The following CDKN2B-AS1 variants were observed in gnomAD, a reference collection of about 807,000 sequenced individuals.
CDKN2B-AS1 encodes the protein CDKN2B antisense RNA 1 (non-protein coding).
At chr9:22,087,254 T>G (rs141085091) in intron 4 of CDKN2B-AS1, among the ~76,000 whole-genome samples, 1 of 152,336 alleles carries the variant, frequency 6.6e-6, no homozygotes, top group Non-Finnish European at 1.5e-5. Context: ...GGTTTATACT[T>G]TCTTGACTCT....
intron 1 of CDKN2B-AS1, among the ~76,000 whole-genome samples, chr9:22,028,212 A>G (rs193009351): frequency 7.4e-6 from 1 of 135,602 alleles, no homozygotes; most frequent in East Asian, 2.0e-4. Flanking sequence ...TACATATAAA[A>G]CATATAAAAA....
chr9:22,043,692 T>C (rs533020589), intron 1 of CDKN2B-AS1, among the ~76,000 whole-genome samples: 1 of 152,186 alleles, frequency 6.6e-6, no homozygotes, highest in Non-Finnish European at 1.5e-5. Flanking sequence ...CCACCTATAC[T>C]ATTATGCTTC....
Position 21,996,260 on chromosome 9 carries a change from A to G in CDKN2B-AS1, n.29+1099A>G, listed in dbSNP as rs760812984. 1.8e-4 allele frequency among the ~76,000 whole-genome samples: 27 copies of G among 152,280 alleles called. No homozygotes were observed. Among genetic ancestry groups the G allele is most frequent in the South Asian group, 8.3e-4 (4 of 4,820 alleles). ...CAAGACAAAACGGGGCCCTTTGGAAAAAGTGAGATTTAGCGATCACTCTTA... is the reference window on the plus strand; with the variant it reads ...CAAGACAAAACGGGGCCCTTTGGAAGAAGTGAGATTTAGCGATCACTCTTA... On this transcript the variant is annotated intron_variant and non_coding_transcript_variant, in intron 1 of 4. Transcript: ENST00000650946. This position sits in a 1 kb window ranked among gnomAD's most constrained non-coding sequence, Gnocchi z 5.4.
chr9:22,116,263 G>A (rs1030430220), intron 4 of CDKN2B-AS1, among the ~76,000 whole-genome samples: 42 of 152,088 alleles, frequency 2.8e-4, no homozygotes, highest in African/African-American at 9.2e-4. Context: ...TATATCAAAC[G>A]GATATAAGTT....
intron 4 of CDKN2B-AS1, among the ~76,000 whole-genome samples, chr9:22,110,737 A>G (rs369025862): frequency 1.3e-5 from 2 of 152,036 alleles, no homozygotes; most frequent in African/African-American, 4.8e-5. Flanking sequence ...AAAAAATACC[A>G]TTTTACCTGT....
chr9:22,080,717 A>G (rs1200312494), intron 4 of CDKN2B-AS1, among the ~76,000 whole-genome samples: 1 of 152,228 alleles, frequency 6.6e-6, no homozygotes, highest in Non-Finnish European at 1.5e-5. Context: ...TTTGTAAGGT[A>G]GTGGAGAAAA....
At chr9:22,063,424 A>G (rs996990750) in intron 4 of CDKN2B-AS1, among the ~76,000 whole-genome samples, 4 of 152,220 alleles carry the variant, frequency 2.6e-5, no homozygotes, top group Non-Finnish European at 5.9e-5. Context: ...ATAGAAATAT[A>G]GAGGTTTAAA....
intron 1 of CDKN2B-AS1, among the ~76,000 whole-genome samples, chr9:22,035,127 T>C (rs1822635806): frequency 6.6e-6 from 1 of 152,174 alleles, no homozygotes; most frequent in African/African-American, 2.4e-5. Context: ...TTCTTATCAT[T>C]ACTGTATTAT....
chr9:22,071,285 C>CTTTTTTTTTTT lies in CDKN2B-AS1; in HGVS notation n.438+14919_438+14929dup, dbSNP rs71336509. Among the ~76,000 whole-genome samples the CTTTTTTTTTTT allele has an allele frequency of 2.2e-4, 15 of 67,572 alleles. 2 individuals are homozygous for CTTTTTTTTTTT. The highest frequency in any genetic ancestry group is 9.9e-4 in the African/African-American group (14 of 14,200). The allele number at this position is 67,572 out of a possible 152,430, so 44.3% of individuals were successfully genotyped here. A position where few individuals can be genotyped will look rare whatever the true frequency, so the allele number is the denominator to read the frequency against. ...AGAGGCCAGGCTTAGAAATATCTAG[C>CTTTTTTTTTTT]TTTTTTTTTTTTTTTTTTTTTTTTT... On this transcript the variant is annotated intron_variant and non_coding_transcript_variant, in intron 4 of 4. Transcript: ENST00000650946.
At chr9:22,045,659 C>A (rs1013729765) in intron 1 of CDKN2B-AS1, among the ~76,000 whole-genome samples, 1 of 151,998 alleles carries the variant, frequency 6.6e-6, no homozygotes, top group African/African-American at 2.4e-5. Context: ...ATAGGCTGCT[C>A]ATGCTTTTTG....
intron 4 of CDKN2B-AS1, among the ~76,000 whole-genome samples, chr9:22,080,169 C>T (rs953213598): frequency 6.6e-6 from 1 of 152,194 alleles, no homozygotes; most frequent in Non-Finnish European, 1.5e-5. Context: ...TCTGTGCAGT[C>T]AGATGTAGCC....
At chr9:22,068,727 G>GT (rs1289365763) in intron 4 of CDKN2B-AS1, among the ~76,000 whole-genome samples, 2 of 152,152 alleles carry the variant, frequency 1.3e-5, no homozygotes, top group Non-Finnish European at 2.9e-5. Flanking sequence ...CTATTTGTTT[G>GT]TTTTTCCCAA....
intron 4 of CDKN2B-AS1, among the ~76,000 whole-genome samples, chr9:22,085,859 C>T (rs1369540931): frequency 6.6e-6 from 1 of 151,654 alleles, no homozygotes. Flanking sequence ...CTATTTGTTG[C>T]CTGGATTAGG....
intron 1 of CDKN2B-AS1, among the ~76,000 whole-genome samples, chr9:21,998,125 G>A (rs1452712835): frequency 6.6e-6 from 1 of 152,186 alleles, no homozygotes; most frequent in Admixed American, 6.5e-5. Context: ...CACTGCCGCT[G>A]CCCAATACCT....
At position 22,005,860 on chromosome 9, in the gene CDKN2B-AS1, C is replaced by T. The variant is rs1194735482; in HGVS notation, n.29+10699C>T. 1.1e-5 allele frequency: 14 copies of T among 1,317,828 alleles called. No homozygotes were observed. The highest frequency in any genetic ancestry group is 1.5e-5 in the Non-Finnish European group (14 of 952,148). The allele number at this position is 1,317,828 out of a possible 1,614,324, so 81.6% of individuals were successfully genotyped here. On this transcript the variant is annotated intron_variant and non_coding_transcript_variant, in intron 1 of 4. Coordinates refer to ENST00000650946, the Ensembl canonical transcript of CDKN2B-AS1. The surrounding 1 kb of genome is among the most constrained non-coding windows in gnomAD (Gnocchi z 4.9). Reference sequence around the variant, plus strand: ...GTCGGCTCCTCCTTCCTGTGAGTCTCAGACAGGCTTGCAGGCTTACAGGCT... The same window carrying T: ...GTCGGCTCCTCCTTCCTGTGAGTCTTAGACAGGCTTGCAGGCTTACAGGCT...
chr9:22,013,138 C>T (rs1417307563), intron 1 of CDKN2B-AS1, among the ~76,000 whole-genome samples: 1 of 152,172 alleles, frequency 6.6e-6, no homozygotes, highest in Non-Finnish European at 1.5e-5. Context: ...CAAATTTCCT[C>T]CTCTTTTGAG....
intron 1 of CDKN2B-AS1, chr9:22,009,478 G>C (rs987681560): frequency 1.2e-5 from 3 of 254,666 alleles, no homozygotes; most frequent in Non-Finnish European, 2.3e-5. Flanking sequence ...ATGCGCCAGA[G>C]ACTGGGCCAG....
intron 1 of CDKN2B-AS1, chr9:22,030,302 A>T (rs747526669): frequency 2.6e-5 from 4 of 152,206 alleles, no homozygotes; most frequent in Non-Finnish European, 5.9e-5. Context: ...TGTAGCCAAT[A>T]CCAGGAACCT....
chr9:22,115,455 C>T (rs1825923241), intron 4 of CDKN2B-AS1, among the ~76,000 whole-genome samples: 1 of 152,130 alleles, frequency 6.6e-6, no homozygotes, highest in African/African-American at 2.4e-5. Context: ...TTTTACATCA[C>T]CAAGTACATG....
Sources: gnomAD v4.1 joint callset for allele counts (sites outside exome capture counted in the v4.1 genomes callset) on GRCh38, gnomAD v4.1.1 for gene constraint, Gnocchi (gnomAD v3.1) non-coding constraint, MANE v1.5 for transcripts, NCBI Gene and HGNC (gene_info 2026-07-23, HGNC 2026-07-21) for gene names.